The following FAM78B variants were observed in gnomAD, a reference collection of about 807,000 sequenced individuals.
The protein encoded by FAM78B is protein FAM78B.
Under a neutral mutation model 20.0 loss-of-function variants are expected in FAM78B, and 10 were observed. The ratio of observed to expected loss-of-function variants is 0.50; its 90% CI spans 0.31 to 0.85. The LOEUF is 0.85. Among genes scored for constraint, FAM78B ranks in the 40% least tolerant of loss-of-function variants. The pLI is 0.05. For synonymous variants in FAM78B, 135 were observed against 132.8 expected (o/e 1.02, Z -0.12); for missense variants, 283 against 345.0 (o/e 0.82, Z 1.42).
Position 166,139,637 on chromosome 1 carries a change from T to C in FAM78B, c.263+26349A>G, listed in dbSNP as rs1557914481. On this transcript the variant is annotated intron_variant, in intron 1 of 1. Transcript: ENST00000354422. ...GAACATCAACAAGACCACACGCATC[T>C]GGGATGGGTTTGTGACTGGCTTCAG... Among the ~76,000 whole-genome samples, 10 of 152,258 alleles carry C rather than the reference T, an allele frequency of 6.6e-5. 2 individuals carry two copies. Among genetic ancestry groups the C allele is most frequent in the East Asian group, 5.8e-4 (3 of 5,166 alleles).
intron 1 of FAM78B, among the ~76,000 whole-genome samples, chr1:166,159,934 G>T (rs985829545): frequency 1.3e-5 from 2 of 152,178 alleles, no homozygotes; most frequent in Admixed American, 1.3e-4. Context: ...CCCTTCCAAG[G>T]GCACTCAGGA....
chr1:166,098,094 T>C (rs1253167420), intron 1 of FAM78B, among the ~76,000 whole-genome samples: 1 of 152,020 alleles, frequency 6.6e-6, no homozygotes, highest in South Asian at 2.1e-4. Context: ...TGGAGCCGGG[T>C]AGACTCGCTG....
At chr1:166,089,323 C>T (rs1390285985) in intron 1 of FAM78B, among the ~76,000 whole-genome samples, 1 of 152,208 alleles carries the variant, frequency 6.6e-6, no homozygotes, top group East Asian at 1.9e-4. Context: ...TAACTGATCA[C>T]TGCTACTGAC....
Position 166,077,620 on chromosome 1 carries a change from ATAT to A in FAM78B, c.264-6860_264-6858del, listed in dbSNP as rs1176301415. Among the ~76,000 whole-genome samples, 5 of 127,734 alleles carry A rather than the reference ATAT, an allele frequency of 3.9e-5. No homozygotes were observed. The Admixed American group carries it at 3.9e-4, about 10-fold the overall frequency. The allele number at this position is 127,734 out of a possible 152,430, so 83.8% of individuals were successfully genotyped here. Reference sequence around the variant, plus strand: ...ATAATTATATATTTATATAAATTATATATAATACATATAATTATATATTTATAT... The same window carrying A: ...ATAATTATATATTTATATAAATTATAAATACATATAATTATATATTTATAT... On this transcript the variant is annotated intron_variant, in intron 1 of 1. Coordinates refer to ENST00000354422, the MANE Select transcript of FAM78B (RefSeq NM_001017961.5).
chr1:166,148,821 T>G (rs1378548492), intron 1 of FAM78B, among the ~76,000 whole-genome samples: 1 of 152,234 alleles, frequency 6.6e-6, no homozygotes, highest in African/African-American at 2.4e-5. Flanking sequence ...AGTGGGTTCC[T>G]CACATAAGTG....
chr1:166,155,256 C>T (rs1655847947), intron 1 of FAM78B, among the ~76,000 whole-genome samples: 1 of 152,202 alleles, frequency 6.6e-6, no homozygotes, highest in African/African-American at 2.4e-5. Flanking sequence ...TCATTCAACC[C>T]TTATGAGGCA....
downstream of FAM78B, among the ~76,000 whole-genome samples, chr1:166,057,257 A>G (rs532470515): frequency 3.9e-5 from 6 of 152,214 alleles, no homozygotes; most frequent in South Asian, 1.0e-3. Flanking sequence ...TTTTGGACCA[A>G]ATTTGATGGC....
intron 1 of FAM78B, among the ~76,000 whole-genome samples, chr1:166,112,642 G>A (rs1012359090): frequency 2.0e-5 from 3 of 152,138 alleles, no homozygotes; most frequent in Non-Finnish European, 2.9e-5. Context: ...AGAATATGCT[G>A]GTGCTCCATC....
chr1:166,110,457 T>C (rs897584431), intron 1 of FAM78B, among the ~76,000 whole-genome samples: 7 of 152,112 alleles, frequency 4.6e-5, no homozygotes, highest in African/African-American at 1.4e-4. Flanking sequence ...TTATTATTAT[T>C]GTTCTTTTTC....
In FAM78B at chr1:166,069,854, T is replaced by A. The variant is rs1458799344; in HGVS notation, c.*387A>T. The A allele has an allele frequency of 2.3e-6, 1 of 440,584 alleles. No individual in the cohort carries two copies. The highest frequency in any genetic ancestry group is 3.0e-6 in the Non-Finnish European group (1 of 329,276). The allele number at this position is 440,584 out of a possible 1,614,324, so 27.3% of individuals were successfully genotyped here. On this transcript the variant is annotated 3_prime_UTR_variant, in exon 2 of 2. Transcript: ENST00000354422. The stretch of plus-strand genomic sequence containing the variant: ...GACCACCTGGTGTGGATGTTTTCAC[T>A]CCTACTTCTAATTGGCTGGGAAGCA...
At chr1:166,131,041 G>A (rs1285779257) in intron 1 of FAM78B, among the ~76,000 whole-genome samples, 1 of 144,414 alleles carries the variant, frequency 6.9e-6, no homozygotes. Context: ...GCCCAGGCTA[G>A]AGTGCAGTGG....
intron 1 of FAM78B, among the ~76,000 whole-genome samples, chr1:166,071,579 A>G (rs115627690): frequency 0.017 from 2,554 of 152,354 alleles, 68 homozygotes; most frequent in African/African-American, 0.058. Context: ...GTTGCTAATA[A>G]TAATTGCTGA....
intron 1 of FAM78B, among the ~76,000 whole-genome samples, chr1:166,142,525 A>C (rs1267184671): frequency 1.3e-5 from 2 of 152,242 alleles, no homozygotes; most frequent in Non-Finnish European, 2.9e-5. Flanking sequence ...CTTGAGGTCT[A>C]AGTGGGAAAA....
At chr1:166,121,784 A>C (rs1358024648) in intron 1 of FAM78B, among the ~76,000 whole-genome samples, 27 of 152,208 alleles carry the variant, frequency 1.8e-4, no homozygotes, top group Admixed American at 1.8e-3. Flanking sequence ...GACAGAGAGC[A>C]GGTAAGCAAC....
chr1:166,096,397 A>C (rs763589967), intron 1 of FAM78B, among the ~76,000 whole-genome samples: 2 of 152,186 alleles, frequency 1.3e-5, no homozygotes, highest in Non-Finnish European at 2.9e-5. Context: ...TGGCCAACCC[A>C]AACAGCCCCA....
chr1:166,075,175 A>T (rs1465431836), intron 1 of FAM78B, among the ~76,000 whole-genome samples: 2 of 152,170 alleles, frequency 1.3e-5, no homozygotes, highest in Non-Finnish European at 2.9e-5. Context: ...GAGGAAGAAG[A>T]GTAATGAAAA....
At chr1:166,103,894 C>G (rs1263932933) in intron 1 of FAM78B, among the ~76,000 whole-genome samples, 3 of 152,062 alleles carry the variant, frequency 2.0e-5, no homozygotes, top group Admixed American at 2.0e-4. Context: ...GGCAGAGACA[C>G]AAAAATAAAA....
At chr1:166,113,773 G>T (rs1024369924) in intron 1 of FAM78B, among the ~76,000 whole-genome samples, 1 of 152,188 alleles carries the variant, frequency 6.6e-6, no homozygotes, top group Non-Finnish European at 1.5e-5. Flanking sequence ...ACAGAAGGGA[G>T]GCTGAACAGG....
chr1:166,089,281 ATG>A (rs1460219349), intron 1 of FAM78B, among the ~76,000 whole-genome samples: 3 of 152,182 alleles, frequency 2.0e-5, no homozygotes, highest in African/African-American at 7.2e-5. Flanking sequence ...TTATGATTTA[ATG>A]TGTCTCTCTT....
Sources: allele counts gnomAD v4.1 joint callset (sites outside exome capture counted in the v4.1 genomes callset), GRCh38; gene constraint gnomAD v4.1.1; transcripts MANE v1.5; gene names NCBI Gene and HGNC (gene_info 2026-07-23, HGNC 2026-07-21).